The following RPS6KA2 variants were observed in gnomAD, a reference collection of about 807,000 sequenced individuals.
The protein encoded by RPS6KA2 is ribosomal protein S6 kinase alpha-2.
Under a neutral mutation model 91.8 loss-of-function variants are expected in RPS6KA2, and 42 were observed. The observed-to-expected ratio is 0.46, with a 90% CI of 0.36 to 0.59. The LOEUF is 0.59. RPS6KA2 is among the 20% of genes least tolerant of loss of function. The probability of loss-of-function intolerance (pLI) is 0.00; values close to 1 mark genes in which losing one functional copy is unlikely to be tolerated. For missense variants in RPS6KA2, 798 were observed against 978.5 expected, an observed-to-expected ratio of 0.82 and a Z score of 2.46; for synonymous variants, 414 against 393.6, an observed-to-expected ratio of 1.05 and a Z score of -0.61.
At chr6:166,664,270 A>G (rs1788253260) in intron 2 of RPS6KA2, among the ~76,000 whole-genome samples, 1 of 152,224 alleles carries the variant, frequency 6.6e-6, no homozygotes, top group Non-Finnish European at 1.5e-5. Context: ...AAAGGGCATC[A>G]TCATCCCTCC....
intron 2 of RPS6KA2, among the ~76,000 whole-genome samples, chr6:166,694,871 T>C (rs1218466762): frequency 6.6e-6 from 1 of 152,250 alleles, no homozygotes; most frequent in Admixed American, 6.5e-5. Context: ...CATCATCTAA[T>C]GTATTTACCA....
chr6:166,814,738 T>C (rs953724877), intron 2 of RPS6KA2, among the ~76,000 whole-genome samples: 10 of 152,238 alleles, frequency 6.6e-5, no homozygotes, highest in Non-Finnish European at 1.0e-4. Flanking sequence ...AGGAGGGTTC[T>C]AGGTTGCCCA....
At chr6:166,762,363 C>T (rs950736168) in intron 2 of RPS6KA2, among the ~76,000 whole-genome samples, 6 of 151,998 alleles carry the variant, frequency 3.9e-5, no homozygotes, top group African/African-American at 1.5e-4. Context: ...ATGCAGTGTG[C>T]GTGTGTGTGT....
At chr6:166,771,914 C>A (rs1222626073) in intron 2 of RPS6KA2, among the ~76,000 whole-genome samples, 1 of 152,204 alleles carries the variant, frequency 6.6e-6, no homozygotes, top group Non-Finnish European at 1.5e-5. Flanking sequence ...CTGAGAGAAA[C>A]CCCTGCACTG....
rs969843573 is a variant in RPS6KA2 at position 166,445,990 on chromosome 6, T to A, written c.1332+2734A>T. 6.7e-6 allele frequency among the ~76,000 whole-genome samples: 1 copy of A among 150,374 alleles called. No homozygotes were observed. Among genetic ancestry groups the A allele is most frequent in the South Asian group, 2.1e-4 (1 of 4,794 alleles). On this transcript the variant is annotated intron_variant, in intron 14 of 20. Transcript: ENST00000265678. This position sits in a 1 kb window ranked among gnomAD's most constrained non-coding sequence, Gnocchi z 4.5. ...GTCCATCAATAGGTGGGGATGCTGCTTCTCATGAACAAGTCAGCAGATACA... is the reference window on the plus strand; with the variant it reads ...GTCCATCAATAGGTGGGGATGCTGCATCTCATGAACAAGTCAGCAGATACA...
Position 166,448,598 on chromosome 6 carries a change from T to G in RPS6KA2, c.1332+126A>C. Reference sequence around the variant, plus strand: ...GCTCCGTGCTCCCATGTGCTGTACATGCTCCCACACGCTGCACTCACACAG... The same window carrying G: ...GCTCCGTGCTCCCATGTGCTGTACAGGCTCCCACACGCTGCACTCACACAG... On this transcript the variant is annotated intron_variant, in intron 14 of 20. Transcript: ENST00000265678. This position sits in a 1 kb window ranked among gnomAD's most constrained non-coding sequence, Gnocchi z 4.7. 8.1e-7 allele frequency: 1 copy of G among 1,234,258 alleles called. No individual in the cohort carries two copies. Among genetic ancestry groups the G allele is most frequent in the African/African-American group, 1.5e-5 (1 of 66,832 alleles). 76.5% of individuals were successfully genotyped at this position (1,234,258 alleles called of 1,614,324 possible). A position where few individuals can be genotyped will look rare whatever the true frequency, so the allele number is the denominator to read the frequency against.
chr6:166,657,940 G>A (rs184304745), intron 2 of RPS6KA2, among the ~76,000 whole-genome samples: 2 of 152,338 alleles, frequency 1.3e-5, no homozygotes, highest in East Asian at 3.9e-4. Context: ...CTGGAGTGCA[G>A]TGGCGAGATC....
intron 2 of RPS6KA2, among the ~76,000 whole-genome samples, chr6:166,727,252 A>T (rs983302244): frequency 2.0e-5 from 3 of 152,070 alleles, no homozygotes; most frequent in Non-Finnish European, 4.4e-5. Context: ...AAAGAATTGA[A>T]AGTAATGCAG....
At chr6:166,727,482 C>G (rs1163747507) in intron 2 of RPS6KA2, among the ~76,000 whole-genome samples, 1 of 151,966 alleles carries the variant, frequency 6.6e-6, no homozygotes, top group Non-Finnish European at 1.5e-5. Flanking sequence ...AACATCAGCA[C>G]CCTCAGGTAT....
chr6:166,613,278 C>T (rs528832390), intron 1 of RPS6KA2, among the ~76,000 whole-genome samples: 1 of 152,350 alleles, frequency 6.6e-6, no homozygotes, highest in East Asian at 1.9e-4. Flanking sequence ...ATTCAGGCGG[C>T]TGGGGTGCAA....
At chr6:166,521,550 G>T (rs1353410589) in intron 3 of RPS6KA2, among the ~76,000 whole-genome samples, 2 of 152,178 alleles carry the variant, frequency 1.3e-5, no homozygotes, top group Non-Finnish European at 2.9e-5. Context: ...GTCCTATGCT[G>T]GTCCCACCAC....
At chr6:166,564,290 C>G (rs1277856553) in intron 1 of RPS6KA2, among the ~76,000 whole-genome samples, 2 of 152,186 alleles carry the variant, frequency 1.3e-5, no homozygotes, top group African/African-American at 4.8e-5. Context: ...CCGTTTCTGC[C>G]TAATTGGCAG....
At chr6:166,454,886 A>C (rs1780043906) in intron 12 of RPS6KA2, among the ~76,000 whole-genome samples, 1 of 150,368 alleles carries the variant, frequency 6.7e-6, no homozygotes, top group Non-Finnish European at 1.5e-5. Context: ...AGATTAATAT[A>C]TTAAAATAGA....
intron 16 of RPS6KA2, among the ~76,000 whole-genome samples, chr6:166,425,951 C>A (rs1778901073): frequency 6.6e-6 from 1 of 152,036 alleles, no homozygotes; most frequent in African/African-American, 2.4e-5. Flanking sequence ...ACCAAGCAGA[C>A]CTAATAGACA....
At chr6:166,641,827 T>C (rs564538455) in intron 2 of RPS6KA2, among the ~76,000 whole-genome samples, 1 of 146,812 alleles carries the variant, frequency 6.8e-6, no homozygotes, top group African/African-American at 2.5e-5. Context: ...AAAGAGACGT[T>C]GGATCTGATG....
chr6:166,639,094 A>G lies in RPS6KA2; in HGVS notation c.124-100310T>C, dbSNP rs960156438. Among the ~76,000 whole-genome samples the G allele has an allele frequency of 5.9e-5, 9 of 152,342 alleles. No individual in the cohort carries two copies. In the East Asian group the frequency reaches 1.3e-3, roughly 23 times the overall value. ...GGCTTTATAAATCATAAGGTGCTCAATGGAGTTATTCGTAGAAATCCTAGA... is the reference window on the plus strand; with the variant it reads ...GGCTTTATAAATCATAAGGTGCTCAGTGGAGTTATTCGTAGAAATCCTAGA... On this transcript the variant is annotated intron_variant, in intron 2 of 21. Coordinates refer to the RPS6KA2 transcript ENST00000503859. The surrounding 1 kb of genome is among the most constrained non-coding windows in gnomAD (Gnocchi z 4.2).
At chr6:166,697,922 C>T (rs1030442810) in intron 2 of RPS6KA2, among the ~76,000 whole-genome samples, 1 of 152,086 alleles carries the variant, frequency 6.6e-6, no homozygotes, top group Non-Finnish European at 1.5e-5. Context: ...GAGGACTCGG[C>T]GGCTGTATGT....
chr6:166,485,463 G>C (rs1358885068), intron 10 of RPS6KA2, among the ~76,000 whole-genome samples: 1 of 152,180 alleles, frequency 6.6e-6, no homozygotes, highest in African/African-American at 2.4e-5. Flanking sequence ...CAGCTGGGAG[G>C]GTTACTTCCT....
chr6:166,772,464 A>G (rs1746621342), intron 2 of RPS6KA2, among the ~76,000 whole-genome samples: 1 of 152,236 alleles, frequency 6.6e-6, no homozygotes, highest in Admixed American at 6.5e-5. Context: ...ATTCAGACCC[A>G]CCAGAAACCA....
Sources: gnomAD v4.1 joint callset for allele counts (sites outside exome capture counted in the v4.1 genomes callset) on GRCh38, gnomAD v4.1.1 for gene constraint, Gnocchi (gnomAD v3.1) non-coding constraint, MANE v1.5 for transcripts, NCBI Gene and HGNC (gene_info 2026-07-23, HGNC 2026-07-21) for gene names.